IQGAP2: variants seen among roughly 807,000 people sequenced by gnomAD.
IQGAP2 encodes the protein ras GTPase-activating-like protein IQGAP2.
A neutral mutation model predicts 201.3 loss-of-function variants in IQGAP2; 173 were observed. The ratio of observed to expected loss-of-function variants is 0.86; its 90% confidence interval spans 0.76 to 0.98. The LOEUF is 0.98. Ranked by LOEUF, IQGAP2 falls within the 50% of genes least tolerant of loss-of-function variation. The pLI, the probability that IQGAP2 is intolerant of heterozygous loss-of-function variation, is 0.00. For missense variants in IQGAP2, 1,687 were observed against 1,864.8 expected (o/e 0.90, Z 1.76); for synonymous variants, 675 against 673.9 (o/e 1.00, Z -0.03).
intron 12 of IQGAP2, among the ~76,000 whole-genome samples, chr5:76,610,499 C>T (rs935454950): frequency 5.3e-5 from 8 of 150,726 alleles, no homozygotes; most frequent in East Asian, 2.0e-4. Context: ...ACACAGGAGG[C>T]GGAGGTGGCA....
At chr5:76,473,117 CTG>C (rs1240053229) in intron 2 of IQGAP2, among the ~76,000 whole-genome samples, 1 of 152,230 alleles carries the variant, frequency 6.6e-6, no homozygotes, top group Non-Finnish European at 1.5e-5. Flanking sequence ...ACTTCAAAGA[CTG>C]TGCTTAAAAA....
At chr5:76,500,924 G>A (rs1408391162) in intron 2 of IQGAP2, among the ~76,000 whole-genome samples, 1 of 152,068 alleles carries the variant, frequency 6.6e-6, no homozygotes, top group African/African-American at 2.4e-5. Context: ...TAGGTAAATT[G>A]CCTTGATGAC....
chr5:76,654,559 C>T (rs1375797775), intron 19 of IQGAP2, among the ~76,000 whole-genome samples: 1 of 152,198 alleles, frequency 6.6e-6, no homozygotes, highest in Non-Finnish European at 1.5e-5. Flanking sequence ...TACAGCATTA[C>T]ATATGTAGTT....
chr5:76,614,596 T>TC (rs1299782309), intron 13 of IQGAP2, among the ~76,000 whole-genome samples: 4 of 143,622 alleles, frequency 2.8e-5, no homozygotes, highest in Non-Finnish European at 6.1e-5. Flanking sequence ...TCTTTGTTTT[T>TC]CCCCTCTGCT....
chr5:76,461,548 T>G, intron 1 of IQGAP2, 22 bp from the exon 2 acceptor site: 1 of 1,554,974 alleles, frequency 6.4e-7, no homozygotes, highest in Non-Finnish European at 8.9e-7. Flanking sequence ...GTAAATCACA[T>G]GTTGTTATCC....
intron 16 of IQGAP2, among the ~76,000 whole-genome samples, chr5:76,637,720 A>G (rs1230812705): frequency 2.0e-5 from 3 of 152,248 alleles, no homozygotes; most frequent in Non-Finnish European, 4.4e-5. Flanking sequence ...CGAGATGGTC[A>G]TCTTAGCATG....
chr5:76,597,946 A>G (rs1164778632), intron 10 of IQGAP2, among the ~76,000 whole-genome samples: 1 of 152,170 alleles, frequency 6.6e-6, no homozygotes, highest in Non-Finnish European at 1.5e-5. Context: ...TAATGTTTTT[A>G]TGTAGAAAAT....
intron 17 of IQGAP2, among the ~76,000 whole-genome samples, chr5:76,646,073 C>G (rs1752011988): frequency 6.6e-6 from 1 of 152,158 alleles, no homozygotes; most frequent in Non-Finnish European, 1.5e-5. Context: ...TTATAATATA[C>G]ATTCAAACAA....
In IQGAP2 at chr5:76,610,398, C is replaced by G. The variant is rs530894527; in HGVS notation, c.1358-622C>G. Among the ~76,000 whole-genome samples, 97 of 151,528 alleles carry G rather than the reference C, an allele frequency of 6.4e-4. 1 individual carries two copies. The highest frequency in any genetic ancestry group is 2.2e-3 in the African/African-American group (92 of 41,298). On this transcript the variant is annotated intron_variant, in intron 12 of 35. Coordinates refer to ENST00000274364, the MANE Select transcript of IQGAP2 (RefSeq NM_006633.5). ...CCACAGTATGATACCACTTCACACC[C>G]ACTAGGATGGCTGTAATGAAAAAGA...
chr5:76,537,217 T>C (rs1218342227), intron 2 of IQGAP2, among the ~76,000 whole-genome samples: 1 of 152,242 alleles, frequency 6.6e-6, no homozygotes, highest in Non-Finnish European at 1.5e-5. Flanking sequence ...GACTTTGAGA[T>C]AATTTTGGTT....
intron 30 of IQGAP2, among the ~76,000 whole-genome samples, chr5:76,689,062 G>A (rs1394728052): frequency 6.6e-6 from 1 of 152,026 alleles, no homozygotes; most frequent in East Asian, 1.9e-4. Flanking sequence ...AGCAGTTACT[G>A]AGTAACGGAG....
intron 1 of IQGAP2, among the ~76,000 whole-genome samples, chr5:76,445,815 T>C (rs1580206630): frequency 6.6e-6 from 1 of 152,260 alleles, no homozygotes; most frequent in East Asian, 1.9e-4. Context: ...TACCTTCACA[T>C]TGTCGTGCAG....
chr5:76,621,718 A>G (rs137949468), intron 13 of IQGAP2, among the ~76,000 whole-genome samples: 117 of 152,312 alleles, frequency 7.7e-4, no homozygotes, highest in Non-Finnish European at 1.3e-3. Flanking sequence ...ATCTGGGTCC[A>G]CTTAAATAAG....
chr5:76,493,271 C>T (rs1330720507), intron 2 of IQGAP2, among the ~76,000 whole-genome samples: 2 of 151,978 alleles, frequency 1.3e-5, no homozygotes, highest in African/African-American at 4.8e-5. Context: ...CCACAGGGCC[C>T]CGCCCGCCCC....
chr5:76,444,315 T>G (rs1301034921), intron 1 of IQGAP2, among the ~76,000 whole-genome samples: 2 of 152,214 alleles, frequency 1.3e-5, no homozygotes, highest in East Asian at 3.8e-4. Context: ...TTTTGTTTTT[T>G]GAGATGGAGT....
At chr5:76,567,281 C>A (rs1023349813) in intron 3 of IQGAP2, among the ~76,000 whole-genome samples, 4 of 152,080 alleles carry the variant, frequency 2.6e-5, no homozygotes. Flanking sequence ...TTTTGAAGAC[C>A]GACATGACAC....
chr5:76,685,814 C>T (rs961616406), intron 30 of IQGAP2, among the ~76,000 whole-genome samples: 2 of 152,206 alleles, frequency 1.3e-5, no homozygotes, highest in Non-Finnish European at 2.9e-5. Flanking sequence ...ACCATTTCAG[C>T]CATTTTAAAG....
intron 2 of IQGAP2, among the ~76,000 whole-genome samples, chr5:76,473,206 T>C (rs995763859): frequency 6.6e-6 from 1 of 152,238 alleles, no homozygotes; most frequent in Non-Finnish European, 1.5e-5. Flanking sequence ...AAACATGGTC[T>C]TGGTTTTTAG....
intron 1 of IQGAP2, among the ~76,000 whole-genome samples, chr5:76,405,210 A>G (rs1326116716): frequency 2.0e-5 from 3 of 152,218 alleles, no homozygotes; most frequent in South Asian, 4.1e-4. Flanking sequence ...CAGTCCCTGC[A>G]TGTGCATCTG....
Sources: gnomAD v4.1 joint callset for allele counts (sites outside exome capture counted in the v4.1 genomes callset) on GRCh38, gnomAD v4.1.1 for gene constraint, MANE v1.5 for transcripts, NCBI Gene and HGNC (gene_info 2026-07-23, HGNC 2026-07-21) for gene names.